ERICH6B: variants seen among roughly 807,000 people sequenced by gnomAD.
The protein encoded by ERICH6B is glutamate-rich protein 6B.
ERICH6B carries 69 observed loss-of-function variants against 80.0 expected under a neutral mutation model. The ratio of observed to expected loss-of-function variants is 0.86; its 90% CI spans 0.71 to 1.05. ERICH6B has a LOEUF of 1.05. Ranked by LOEUF, ERICH6B falls within the 50% of genes least tolerant of loss-of-function variation. The pLI, the probability that ERICH6B is intolerant of heterozygous loss-of-function variation, is 0.00. For synonymous variants in ERICH6B, 283 were observed against 291.9 expected, an observed-to-expected ratio of 0.97 and a Z score of 0.31; for missense variants, 754 against 796.1, an observed-to-expected ratio of 0.95 and a Z score of 0.64.
chr13:45,547,765 T>C (rs1438880194), intron 13 of ERICH6B, among the ~76,000 whole-genome samples: 1 of 152,178 alleles, frequency 6.6e-6, no homozygotes, highest in Non-Finnish European at 1.5e-5. Context: ...GTGTACAAGC[T>C]GATATAAACT....
At chr13:45,593,239 G>A (rs1324363901) in intron 3 of ERICH6B, among the ~76,000 whole-genome samples, 1 of 152,124 alleles carries the variant, frequency 6.6e-6, no homozygotes, top group East Asian at 1.9e-4. Context: ...CAGGGCTATG[G>A]GAATCTCTGA....
At chr13:45,599,255 A>C (rs2138026471) in intron 2 of ERICH6B, among the ~76,000 whole-genome samples, 1 of 152,258 alleles carries the variant, frequency 6.6e-6, no homozygotes. Flanking sequence ...GAGTAACCGG[A>C]TCTGCCTGGG....
rs531024264 is a variant in ERICH6B at position 45,557,066 on chromosome 13, G to T, written c.1407+4303C>A. 3.9e-5 allele frequency among the ~76,000 whole-genome samples: 6 copies of T among 152,238 alleles called. No individual in the cohort carries two copies. In the East Asian group the frequency reaches 1.2e-3, roughly 29 times the overall value. On this transcript the variant is annotated intron_variant, in intron 11 of 14. Coordinates refer to ENST00000298738, the MANE Select transcript of ERICH6B (RefSeq NM_182542.3). ...TTACATTCCCCCCAGCAGTGTAGAA[G>T]TGTTCTCTGTTCACCGCATCCACAC...
intron 7 of ERICH6B, among the ~76,000 whole-genome samples, chr13:45,577,750 G>A (rs1323309798): frequency 1.3e-5 from 2 of 152,074 alleles, no homozygotes; most frequent in Non-Finnish European, 2.9e-5. Context: ...ACACCACCAT[G>A]CCTGATTAAT....
At chr13:45,594,063 A>C (rs986888821) in intron 3 of ERICH6B, among the ~76,000 whole-genome samples, 4 of 152,240 alleles carry the variant, frequency 2.6e-5, no homozygotes, top group African/African-American at 9.6e-5. Context: ...CTTGTTAGTC[A>C]CTGAGGTTCA....
chr13:45,610,655 C>T (rs565344999), intron 1 of ERICH6B, among the ~76,000 whole-genome samples: 1 of 152,256 alleles, frequency 6.6e-6, no homozygotes, highest in South Asian at 2.1e-4. Flanking sequence ...TGCTTCTATG[C>T]TACAAGCTGG....
chr13:45,598,118 C>T (rs1019519472), intron 2 of ERICH6B, among the ~76,000 whole-genome samples: 16 of 152,154 alleles, frequency 1.1e-4, no homozygotes, highest in African/African-American at 3.6e-4. Flanking sequence ...TATCCCCATC[C>T]TTCCTTCCCT....
At position 45,554,501 on chromosome 13, in the gene ERICH6B, C is replaced by A. The variant is rs140245734; in HGVS notation, c.1408-4185G>T. Among the ~76,000 whole-genome samples, 709 of 152,266 alleles carry A rather than the reference C, an allele frequency of 4.7e-3. 4 individuals are homozygous for A. Among genetic ancestry groups the A allele is most frequent in the African/African-American group, 0.016 (654 of 41,548 alleles). On this transcript the variant is annotated intron_variant, in intron 11 of 14. Coordinates refer to ENST00000298738, the MANE Select transcript of ERICH6B (RefSeq NM_182542.3). Reference sequence around the variant, plus strand: ...CTTAGGTCTTATTTTCAAAAGCCACCCAAAAGCCAGAATTTCTTGAGATGC... The same window carrying A: ...CTTAGGTCTTATTTTCAAAAGCCACACAAAAGCCAGAATTTCTTGAGATGC...
At chr13:45,543,578 C>A (rs1873872264) in intron 14 of ERICH6B, among the ~76,000 whole-genome samples, 1 of 152,136 alleles carries the variant, frequency 6.6e-6, no homozygotes, top group Non-Finnish European at 1.5e-5. Context: ...GCCAAGAATG[C>A]CAGAAGCCAT....
chr13:45,597,211 G>C, intron 2 of ERICH6B, 148 bp from the exon 3 acceptor site: 1 of 560,408 alleles, frequency 1.8e-6, no homozygotes, highest in Non-Finnish European at 3.0e-6. Context: ...AGTGAAAAAG[G>C]CACAAGAAGA....
intron 5 of ERICH6B, among the ~76,000 whole-genome samples, chr13:45,583,765 G>A (rs1875774429): frequency 6.6e-6 from 1 of 152,200 alleles, no homozygotes; most frequent in Non-Finnish European, 1.5e-5. Context: ...CTTGCCTGCT[G>A]CCATGTAAGA....
At chr13:45,595,680 T>TC (rs201775882) in intron 3 of ERICH6B, among the ~76,000 whole-genome samples, 137 of 114,300 alleles carry the variant, frequency 1.2e-3, no homozygotes, top group African/African-American at 2.4e-3. Context: ...CTTCTCTCTC[T>TC]TTTTTTTTTT....
At chr13:45,576,987 T>C (rs1875432383) in intron 7 of ERICH6B, among the ~76,000 whole-genome samples, 1 of 152,112 alleles carries the variant, frequency 6.6e-6, no homozygotes, top group Admixed American at 6.5e-5. Context: ...CTGCCTCTCT[T>C]CTAGTGATAT....
intron 11 of ERICH6B, among the ~76,000 whole-genome samples, chr13:45,552,451 C>T (rs1566286049): frequency 6.6e-6 from 1 of 151,558 alleles, no homozygotes. Flanking sequence ...CTTACATTCT[C>T]TGTTCTGCAT....
intron 2 of ERICH6B, among the ~76,000 whole-genome samples, chr13:45,603,721 G>A (rs865937816): frequency 5.3e-5 from 8 of 152,090 alleles, no homozygotes; most frequent in African/African-American, 1.4e-4. Flanking sequence ...TCCCCTGCCC[G>A]TTCCTAGCAC....
chr13:45,595,816 C>G (rs1394539372), intron 3 of ERICH6B, among the ~76,000 whole-genome samples: 3 of 151,618 alleles, frequency 2.0e-5, no homozygotes, highest in Non-Finnish European at 4.4e-5. Context: ...CTAAATTTTA[C>G]AATTTTTTTG....
intron 11 of ERICH6B, among the ~76,000 whole-genome samples, chr13:45,550,811 C>G (rs1470916829): frequency 1.3e-5 from 2 of 152,100 alleles, no homozygotes; most frequent in East Asian, 1.9e-4. Context: ...ATGTGGTGCT[C>G]TCTGTATCTT....
chr13:45,604,965 CT>C (rs548365934), intron 2 of ERICH6B, among the ~76,000 whole-genome samples: 155 of 152,260 alleles, frequency 1.0e-3, no homozygotes, highest in African/African-American at 3.7e-3. Context: ...GAAAGCAGCT[CT>C]TTCTACAGGC....
In ERICH6B at chr13:45,596,741, C is replaced by T. The variant is rs1279815889; in HGVS notation, c.265G>A (p.Glu89Lys). The change falls in exon 3 of 15, where the codon GAA (glutamate) becomes AAA (lysine). Residue 89 changes from glutamate to lysine, a missense_variant. Transcript: ENST00000298738. The stretch of plus-strand genomic sequence containing the variant: ...TACTCTTCCTCCTCCAGATGCTCTT[C>T]CTTCCCCAGATACTCTTCCTCCTTC... ...YLKEEEYLGK[E>K]EHLEEEEYLE... is the part of the protein sequence containing the mutation. 1 of 1,551,662 alleles carries T rather than the reference C, an allele frequency of 6.4e-7. No individual in the cohort carries two copies. Among genetic ancestry groups the T allele is most frequent in the Non-Finnish European group, 8.7e-7 (1 of 1,147,028 alleles).
Sources: gnomAD v4.1 joint callset for allele counts (sites outside exome capture counted in the v4.1 genomes callset) on GRCh38, gnomAD v4.1.1 for gene constraint, MANE v1.5 for transcripts, NCBI Gene and HGNC (gene_info 2026-07-23, HGNC 2026-07-21) for gene names.